Variants in SNX29 observed in about 807,000 individuals in gnomAD.
SNX29 encodes the protein sorting nexin-29.
SNX29 carries 78 observed loss-of-function variants against 102.1 expected under a neutral mutation model. The observed-to-expected ratio is 0.76, with a 90% confidence interval of 0.64 to 0.92. The LOEUF (loss-of-function observed/expected upper bound fraction) is 0.92. SNX29 is among the 40% of genes least tolerant of loss of function. SNX29 has a pLI of 0.00. For missense variants in SNX29, 1,280 were observed against 1,061.7 expected, an observed-to-expected ratio of 1.21 and a Z score of -2.86; for synonymous variants, 580 against 414.5, an observed-to-expected ratio of 1.40 and a Z score of -4.85.
At chr16:12,449,097 G>T (rs1178330404) in intron 18 of SNX29, among the ~76,000 whole-genome samples, 2 of 152,126 alleles carry the variant, frequency 1.3e-5, no homozygotes, top group Non-Finnish European at 2.9e-5. Context: ...ATGAGACATA[G>T]CTCCTTACCC....
intron 14 of SNX29, among the ~76,000 whole-genome samples, chr16:12,223,790 T>C (rs77546762): frequency 0.035 from 5,344 of 152,294 alleles, 344 homozygotes; most frequent in African/African-American, 0.12. Context: ...CCTTTTCATC[T>C]GTCATCATGG....
chr16:12,548,055 C>G (rs955182295), intron 20 of SNX29, among the ~76,000 whole-genome samples: 2 of 152,146 alleles, frequency 1.3e-5, no homozygotes, highest in South Asian at 4.1e-4. Flanking sequence ...CCACCCCTGG[C>G]ACACACACGG....
intron 6 of SNX29, 37 bp downstream of exon 6, chr16:12,046,491 A>T (rs1250174140): frequency 6.2e-7 from 1 of 1,607,620 alleles, no homozygotes; most frequent in Non-Finnish European, 8.5e-7. Flanking sequence ...GGGCCTTGTG[A>T]CACTTGGCAG....
intron 15 of SNX29, among the ~76,000 whole-genome samples, chr16:12,308,138 C>G (rs1329816672): frequency 6.6e-6 from 1 of 152,244 alleles, no homozygotes; most frequent in African/African-American, 2.4e-5. Flanking sequence ...TGCATGGTCT[C>G]TGCTCTGAGG....
chr16:12,256,475 G>A (rs1425532355), intron 14 of SNX29, among the ~76,000 whole-genome samples: 2 of 152,106 alleles, frequency 1.3e-5, no homozygotes, highest in African/African-American at 4.8e-5. Context: ...TTACAGGCGT[G>A]TACCATCATG....
At chr16:12,360,913 C>G (rs2082282478) in intron 16 of SNX29, among the ~76,000 whole-genome samples, 1 of 152,148 alleles carries the variant, frequency 6.6e-6, no homozygotes, top group Non-Finnish European at 1.5e-5. Flanking sequence ...TGTAATAGAG[C>G]CTGGATTCAG....
In SNX29 at chr16:12,187,755, C is replaced by T. The variant is rs1256949737; in HGVS notation, c.1596-11846C>T. The stretch of plus-strand genomic sequence containing the variant: ...CCTCTTCATGCAGTGGTACTGTTGG[C>T]ATTCACTCCTCCAAAAGGTGAGTTG... On this transcript the variant is annotated intron_variant, in intron 13 of 20. Coordinates refer to ENST00000566228, the MANE Select transcript of SNX29 (RefSeq NM_032167.5). Among the ~76,000 whole-genome samples, 47 of 150,558 alleles carry T rather than the reference C, an allele frequency of 3.1e-4. No individual in the cohort carries two copies. The Admixed American group carries it at 3.1e-3, about 10-fold the overall frequency.
Position 12,571,533 on chromosome 16 carries a change from C to A in SNX29, c.*2904C>A, listed in dbSNP as rs1041419307. On this transcript the variant is annotated 3_prime_UTR_variant, in exon 21 of 21. Transcript: ENST00000566228. Reference sequence around the variant, plus strand: ...AAGGGCCTTGGATTCCTGGGACCACCCTTTGCTGGGAGGAAGAATCCACAC... The same window carrying A: ...AAGGGCCTTGGATTCCTGGGACCACACTTTGCTGGGAGGAAGAATCCACAC... The A allele has an allele frequency of 2.3e-6, 2 of 873,886 alleles. No individual in the cohort carries two copies. The highest frequency in any genetic ancestry group is 5.4e-5 in the Admixed American group (1 of 18,450). 54.1% of individuals were successfully genotyped at this position (873,886 alleles called of 1,614,324 possible). A position where few individuals can be genotyped will look rare whatever the true frequency, so the allele number is the denominator to read the frequency against.
intron 20 of SNX29, among the ~76,000 whole-genome samples, chr16:12,540,575 TCCCAGCAATTACTCTGGGA>T (rs1237719653): frequency 6.6e-6 from 1 of 152,140 alleles, no homozygotes; most frequent in African/African-American, 2.4e-5. Context: ...CTTCTTTGCT[TCCCAGCAATTACTCTGGGA>T]CCCTGAGATT....
At chr16:12,524,347 TGGCC>T (rs2090214331) in intron 19 of SNX29, among the ~76,000 whole-genome samples, 1 of 151,912 alleles carries the variant, frequency 6.6e-6, no homozygotes, top group Admixed American at 6.6e-5. Flanking sequence ...TCTCCCTCGC[TGGCC>T]TGTGAACTCC....
At chr16:12,190,004 C>T (rs1037154042) in intron 13 of SNX29, among the ~76,000 whole-genome samples, 1 of 152,166 alleles carries the variant, frequency 6.6e-6, no homozygotes, top group East Asian at 1.9e-4. Flanking sequence ...AGATACCTGG[C>T]TCCAGTTATC....
rs955225522 is a variant in SNX29, at chr16:12,463,737, C to T, written c.2038-13982C>T. Among the ~76,000 whole-genome samples the T allele has an allele frequency of 7.2e-5, 11 of 152,030 alleles. No individual in the cohort carries two copies. In the South Asian group the frequency reaches 1.7e-3, roughly 23 times the overall value. On this transcript the variant is annotated intron_variant, in intron 18 of 20. Coordinates refer to ENST00000566228, the MANE Select transcript of SNX29 (RefSeq NM_032167.5). ...AAAAATTGTATATATTCAAGGCATA[C>T]AACATGATGGTTTGATGTACATATA...
chr16:12,326,578 C>A lies in SNX29; in HGVS notation c.1783-29585C>A, dbSNP rs1055002105. 2.0e-5 allele frequency among the ~76,000 whole-genome samples: 3 copies of A among 152,190 alleles called. No individual in the cohort carries two copies. The South Asian group carries it at 6.2e-4, about 32-fold the overall frequency. ...ATAAATGAATGGGTGGGATTGTGTT[C>A]CAAGAAAACTTTATGTGCAAAAACG... On this transcript the variant is annotated intron_variant, in intron 15 of 20. Coordinates refer to ENST00000566228, the MANE Select transcript of SNX29 (RefSeq NM_032167.5).
chr16:12,385,671 C>T (rs1275309984), intron 16 of SNX29, among the ~76,000 whole-genome samples: 1 of 152,176 alleles, frequency 6.6e-6, no homozygotes, highest in African/African-American at 2.4e-5. Flanking sequence ...AACATGCAAA[C>T]AAAGGAAAAG....
At position 12,568,362 on chromosome 16, in the gene SNX29, G is replaced by C; in HGVS notation, c.2319-144G>C. 3.7e-6 allele frequency: 4 copies of C among 1,084,474 alleles called. No homozygotes were observed. The South Asian group carries it at 6.4e-5, about 17-fold the overall frequency. 67.2% of individuals were successfully genotyped at this position (1,084,474 alleles called of 1,614,324 possible). On this transcript the variant is annotated intron_variant, in intron 20 of 20. Transcript: ENST00000566228. Reference sequence around the variant, plus strand: ...ATAGGGGTTTCTCATTTCTTCAGGTGGCACCAGTTAGAGGCAGATCCAATG... The same window carrying C: ...ATAGGGGTTTCTCATTTCTTCAGGTCGCACCAGTTAGAGGCAGATCCAATG...
At chr16:11,999,507 G>C in intron 2 of SNX29, 149 bp downstream of exon 2, 1 of 831,896 alleles carries the variant, frequency 1.2e-6, no homozygotes, top group East Asian at 2.7e-5. Context: ...CCCAGGAAAT[G>C]ATAGAGCAGT....
At chr16:12,514,043 G>A (rs2151928565) in intron 19 of SNX29, among the ~76,000 whole-genome samples, 1 of 152,328 alleles carries the variant, frequency 6.6e-6, no homozygotes, top group African/African-American at 2.4e-5. Flanking sequence ...GATTTGCCGT[G>A]GATTGCGGCT....
At chr16:12,518,342 G>A (rs1347595937) in intron 19 of SNX29, among the ~76,000 whole-genome samples, 1 of 152,148 alleles carries the variant, frequency 6.6e-6, no homozygotes, top group African/African-American at 2.4e-5. Flanking sequence ...CTCTGGAGCC[G>A]CTAAACCCAG....
intron 14 of SNX29, among the ~76,000 whole-genome samples, chr16:12,263,441 T>C (rs1436975589): frequency 6.6e-6 from 1 of 152,158 alleles, no homozygotes; most frequent in African/African-American, 2.4e-5. Flanking sequence ...ACATCTTGAA[T>C]AGTTGTATGG....
Sources: allele counts gnomAD v4.1 joint callset (sites outside exome capture counted in the v4.1 genomes callset), GRCh38; gene constraint gnomAD v4.1.1; transcripts MANE v1.5; gene names NCBI Gene and HGNC (gene_info 2026-07-23, HGNC 2026-07-21).